The following TMEM43 variants were observed in gnomAD, a reference collection of about 807,000 sequenced individuals.
The protein encoded by TMEM43 is arrhythmogenic right ventricular dysplasia 5.
Under a neutral mutation model 49.6 loss-of-function variants are expected in TMEM43, and 45 were observed. The ratio of observed to expected loss-of-function variants is 0.91; its 90% confidence interval spans 0.71 to 1.16. The LOEUF is 1.16. Among genes scored for constraint, TMEM43 ranks in the 50% most tolerant of loss-of-function variants. The pLI, the probability that TMEM43 is intolerant of heterozygous loss-of-function variation, is 0.00. For synonymous variants in TMEM43, 199 were observed against 207.8 expected, an observed-to-expected ratio of 0.96 and a Z score of 0.36; for missense variants, 532 against 516.6, an observed-to-expected ratio of 1.03 and a Z score of -0.29.
chr3:14,137,614 G>A lies in TMEM43; in HGVS notation c.883-1566G>A, dbSNP rs561214542. Among the ~76,000 whole-genome samples, 16 of 152,338 alleles carry A rather than the reference G, an allele frequency of 1.1e-4. No individual in the cohort carries two copies. In the South Asian group the frequency reaches 1.5e-3, roughly 14 times the overall value. Reference sequence around the variant, plus strand: ...CTCAGGGCAAAAGTCAGGATGCCCCGATTCCAGTCCCAGGGGCAGGAGAGT... The same window carrying A: ...CTCAGGGCAAAAGTCAGGATGCCCCAATTCCAGTCCCAGGGGCAGGAGAGT... On this transcript the variant is annotated intron_variant, in intron 10 of 11. Transcript: ENST00000306077.
chr3:14,131,078 T>C (rs1396467715), intron 3 of TMEM43, 122 bp downstream of exon 3: 14 of 1,271,352 alleles, frequency 1.1e-5, no homozygotes, highest in African/African-American at 4.5e-5. Flanking sequence ...TTCCCGACTT[T>C]ACCACTCAGC....
Position 14,125,220 on chromosome 3 carries a change from G to C in TMEM43, c.12+15G>C. 2 of 1,604,664 alleles carry C rather than the reference G, an allele frequency of 1.2e-6. No homozygotes were observed. The highest frequency in any genetic ancestry group is 8.5e-7 in the Non-Finnish European group (1 of 1,176,624). Reference sequence around the variant, plus strand: ...TGGCCGCGAATGTGAGTATCCCCGGGCCAGCCGGGCCACACCCAGGCTTCC... The same window carrying C: ...TGGCCGCGAATGTGAGTATCCCCGGCCCAGCCGGGCCACACCCAGGCTTCC... On this transcript the variant is annotated intron_variant, in intron 1 of 11. Coordinates refer to ENST00000306077, the MANE Select transcript of TMEM43 (RefSeq NM_024334.3).
intron 1 of TMEM43, among the ~76,000 whole-genome samples, chr3:14,127,131 CGT>C (rs150040143): frequency 1.5e-4 from 23 of 151,556 alleles, no homozygotes; most frequent in Non-Finnish European, 2.9e-4. Flanking sequence ...TCTGTGTGTG[CGT>C]GTGTGTGTGT....
intron 2 of TMEM43, among the ~76,000 whole-genome samples, chr3:14,129,796 C>T (rs138452318): frequency 6.6e-6 from 1 of 152,352 alleles, no homozygotes; most frequent in Non-Finnish European, 1.5e-5. Context: ...GCACCTGCCT[C>T]AGGCGTAGTT....
At chr3:14,136,938 G>C (rs1695178082) in intron 10 of TMEM43, among the ~76,000 whole-genome samples, 1 of 149,494 alleles carries the variant, frequency 6.7e-6, no homozygotes, top group Non-Finnish European at 1.5e-5. Flanking sequence ...GAAGAATTGA[G>C]TCTTTAGTTT....
At position 14,134,489 on chromosome 3, in the gene TMEM43, G is replaced by A. The variant is rs149357575; in HGVS notation, c.584-281G>A. Among the ~76,000 whole-genome samples the A allele has an allele frequency of 1.5e-3, 225 of 152,332 alleles. 2 individuals carry two copies. The highest frequency in any genetic ancestry group is 6.8e-3 in the Middle Eastern group (2 of 294). The stretch of plus-strand genomic sequence containing the variant: ...CCCAGGAGGTGAGTCAGGCTTGGAC[G>A]TGGATGGCCGTAACCTTGATGGAAG... On this transcript the variant is annotated intron_variant, in intron 7 of 11. Transcript: ENST00000306077.
At chr3:14,132,835 G>A (rs1221927919) in intron 5 of TMEM43, 31 bp from the exon 6 acceptor site, 8 of 1,609,314 alleles carry the variant, frequency 5.0e-6, no homozygotes, top group East Asian at 4.5e-5. Flanking sequence ...ACTCCTACCC[G>A]GGCTCTGAGT....
intron 2 of TMEM43, 70 bp downstream of exon 2, chr3:14,129,631 C>G (rs755631736): frequency 4.3e-5 from 68 of 1,568,724 alleles, no homozygotes; most frequent in Non-Finnish European, 5.8e-5. Context: ...GGCGATGAAC[C>G]CGGAGGCTGG....
chr3:14,135,925 A>G lies in TMEM43; in HGVS notation c.882+17A>G, dbSNP rs370443570. On this transcript the variant is annotated intron_variant, in intron 10 of 11. Coordinates refer to ENST00000306077, the MANE Select transcript of TMEM43 (RefSeq NM_024334.3). The stretch of plus-strand genomic sequence containing the variant: ...TCAGCAGAGGTGAGTGCTGTGCCCT[A>G]CTCGTACGGTGGAGGAACAAGCATG... The G allele has an allele frequency of 2.6e-5, 41 of 1,601,534 alleles. No homozygotes were observed. The African/African-American group carries it at 2.9e-4, about 12-fold the overall frequency.
In TMEM43 at chr3:14,139,243, T is replaced by C; in HGVS notation, c.946T>C (p.Trp316Arg). Residue 316 changes from tryptophan (W) to arginine (R), a missense_variant, in exon 11 of 12, where the codon TGG becomes CGG. Physicochemically the swap from Trp to Arg is moderately radical, Grantham distance 101. Transcript: ENST00000306077. ...GACCTGGGGCCTGCGGGCAGCTGGC[T>C]GGATGGCCATGTTCATGGGCCTCAA... ...MKTWGLRAAGWMAMFMGLNLM... is the reference protein window; with the variant it reads ...MKTWGLRAAGRMAMFMGLNLM... 2 of 1,614,226 alleles carry C rather than the reference T, an allele frequency of 1.2e-6. No individual in the cohort carries two copies. Among genetic ancestry groups the C allele is most frequent in the South Asian group, 2.2e-5 (2 of 91,090 alleles).
At chr3:14,133,070 C>T (rs1354199933) in intron 6 of TMEM43, 135 bp downstream of exon 6, 6 of 774,814 alleles carry the variant, frequency 7.7e-6, no homozygotes, top group African/African-American at 1.7e-5. Flanking sequence ...GGGTTTGAGA[C>T]CAAGCCCTGT....
chr3:14,136,147 A>T, intron 10 of TMEM43: 1 of 615,584 alleles, frequency 1.6e-6, no homozygotes, highest in South Asian at 1.7e-5. Flanking sequence ...GGGGATGAGA[A>T]CCAAGTCTAA....
At chr3:14,139,117 C>CCCTG in intron 10 of TMEM43, 63 bp from the exon 11 acceptor site, 1 of 1,230,238 alleles carries the variant, frequency 8.1e-7, no homozygotes, top group East Asian at 2.3e-5. Context: ...TCAGGACCTG[C>CCCTG]CCTGCCGACT....
intron 1 of TMEM43, among the ~76,000 whole-genome samples, chr3:14,128,609 T>C (rs1695048805): frequency 6.6e-6 from 1 of 152,218 alleles, no homozygotes; most frequent in Non-Finnish European, 1.5e-5. Context: ...TAAGACTGTC[T>C]ACTTCTGACC....
chr3:14,133,322 C>G (rs1695122092), intron 6 of TMEM43, among the ~76,000 whole-genome samples: 1 of 152,196 alleles, frequency 6.6e-6, no homozygotes, highest in African/African-American at 2.4e-5. Context: ...CCACGGCATG[C>G]CAGTGGTGAG....
intron 2 of TMEM43, 62 bp from the exon 3 acceptor site, chr3:14,130,760 C>T: frequency 3.2e-6 from 5 of 1,586,966 alleles, no homozygotes; most frequent in South Asian, 1.1e-5. Flanking sequence ...TACTTTGCAA[C>T]AAGCACAGTC....
At chr3:14,132,723 T>A in intron 5 of TMEM43, 128 bp downstream of exon 5, 1 of 1,375,740 alleles carries the variant, frequency 7.3e-7, no homozygotes, top group Non-Finnish European at 1.0e-6. Context: ...TGGGTGCAAG[T>A]CTTCAGAGCC....
rs533412719 is a variant in TMEM43, at chr3:14,135,653, A to G, written c.781-154A>G. Among the ~76,000 whole-genome samples, 3 of 152,284 alleles carry G rather than the reference A, an allele frequency of 2.0e-5. No individual in the cohort carries two copies. In the East Asian group the frequency reaches 5.8e-4, roughly 29 times the overall value. ...AGCTCAGCCAGAGCTGCAGAGGTGG[A>G]TGCATCCCAGATGGATGTATAGAGA... On this transcript the variant is annotated intron_variant, in intron 9 of 11. Transcript: ENST00000306077.
At chr3:14,125,603 G>T (rs1311154592) in intron 1 of TMEM43, among the ~76,000 whole-genome samples, 1 of 152,194 alleles carries the variant, frequency 6.6e-6, no homozygotes, top group Non-Finnish European at 1.5e-5. Flanking sequence ...TCCCTTGGGA[G>T]GGAGGAAGGC....
Sources: allele counts gnomAD v4.1 joint callset (sites outside exome capture counted in the v4.1 genomes callset), GRCh38; gene constraint gnomAD v4.1.1; transcripts MANE v1.5; gene names NCBI Gene and HGNC (gene_info 2026-07-23, HGNC 2026-07-21).